Variants in ARMC9 observed in about 807,000 individuals in gnomAD.
ARMC9 encodes the protein lisH domain-containing protein ARMC9.
In ARMC9, 94 loss-of-function variants were observed where a neutral mutation model predicts 107.0. That is an observed-to-expected ratio of 0.88 (90% confidence interval 0.74 to 1.04). The LOEUF is 1.04. Ranked by LOEUF, ARMC9 falls within the 50% of genes least tolerant of loss-of-function variation. The probability of loss-of-function intolerance (pLI) is 0.00; values close to 1 mark genes in which losing one functional copy is unlikely to be tolerated. For missense variants in ARMC9, 942 were observed against 1,030.1 expected, an observed-to-expected ratio of 0.91 and a Z score of 1.17; for synonymous variants, 380 against 396.9, an observed-to-expected ratio of 0.96 and a Z score of 0.51.
intron 23 of ARMC9, 112 bp from the exon 24 acceptor site, chr2:231,369,841 G>T (rs780569162): frequency 4.2e-5 from 48 of 1,144,572 alleles, no homozygotes; most frequent in Non-Finnish European, 5.3e-5. Context: ...TGATTTGTCC[G>T]CCTTGGCCTC....
intron 9 of ARMC9, among the ~76,000 whole-genome samples, chr2:231,241,687 AG>A (rs1444682644): frequency 3.3e-5 from 5 of 152,234 alleles, no homozygotes; most frequent in African/African-American, 1.2e-4. Context: ...TTATAATATG[AG>A]AAAACATAAA....
At chr2:231,210,969 A>G (rs1415775875) in intron 3 of ARMC9, among the ~76,000 whole-genome samples, 2 of 152,300 alleles carry the variant, frequency 1.3e-5, no homozygotes, top group East Asian at 1.9e-4. Context: ...TGAATTGGCT[A>G]CTTTAGATAT....
chr2:231,337,184 C>G (rs1025054094), intron 20 of ARMC9, among the ~76,000 whole-genome samples: 1 of 150,646 alleles, frequency 6.6e-6, no homozygotes, highest in East Asian at 1.9e-4. Context: ...TTATTCCTGC[C>G]CTGTGTGACT....
intron 19 of ARMC9, among the ~76,000 whole-genome samples, chr2:231,330,229 CTTTTT>C (rs201716312): frequency 7.4e-6 from 1 of 134,838 alleles, no homozygotes. Context: ...CTTTTTCTTT[CTTTTT>C]TTTTTTTTTT....
intron 22 of ARMC9, among the ~76,000 whole-genome samples, chr2:231,357,216 C>G (rs890966028): frequency 6.6e-6 from 1 of 152,190 alleles, no homozygotes; most frequent in Non-Finnish European, 1.5e-5. Context: ...AGGGTGGGCA[C>G]CCACCAGGAC....
chr2:231,324,579 C>G (rs2043206889), intron 19 of ARMC9, among the ~76,000 whole-genome samples: 1 of 151,326 alleles, frequency 6.6e-6, no homozygotes, highest in African/African-American at 2.4e-5. Flanking sequence ...TGAAGAAACC[C>G]CGTCCCTACT....
intron 6 of ARMC9, among the ~76,000 whole-genome samples, chr2:231,223,774 C>T (rs2034376613): frequency 6.6e-6 from 1 of 152,156 alleles, no homozygotes; most frequent in Admixed American, 6.6e-5. Flanking sequence ...TGGCCTGAGC[C>T]GAACGGACTG....
chr2:231,232,025 CTTTT>C (rs575702443), intron 7 of ARMC9, among the ~76,000 whole-genome samples: 5 of 121,628 alleles, frequency 4.1e-5, no homozygotes, highest in African/African-American at 6.3e-5. Flanking sequence ...TAACACATTC[CTTTT>C]TTTTTTTTTT....
At chr2:231,265,996 T>TAAAAAAAA (rs541194304) in intron 12 of ARMC9, among the ~76,000 whole-genome samples, 1 of 125,374 alleles carries the variant, frequency 8.0e-6, no homozygotes. Flanking sequence ...AGACGCCATC[T>TAAAAAAAA]AAAAAAAAAA....
At chr2:231,322,924 G>A (rs528920610) in intron 19 of ARMC9, among the ~76,000 whole-genome samples, 12 of 152,086 alleles carry the variant, frequency 7.9e-5, no homozygotes, top group Non-Finnish European at 1.8e-4. Context: ...ATGTCGTTTC[G>A]TTTGGAATTC....
intron 14 of ARMC9, among the ~76,000 whole-genome samples, chr2:231,275,077 CT>C: frequency 6.6e-6 from 1 of 152,266 alleles, no homozygotes; most frequent in East Asian, 1.9e-4. Flanking sequence ...GCCTGTTTAT[CT>C]TTTCCTCTAA....
At chr2:231,345,379 G>T (rs762909573) in intron 21 of ARMC9, among the ~76,000 whole-genome samples, 7 of 152,228 alleles carry the variant, frequency 4.6e-5, no homozygotes, top group South Asian at 2.1e-4. Flanking sequence ...AAAGGAATCG[G>T]GCTCTCTCCA....
At chr2:231,273,212 T>A in intron 14 of ARMC9, 134 bp downstream of exon 14, 1 of 1,240,600 alleles carries the variant, frequency 8.1e-7, no homozygotes, top group Non-Finnish European at 1.1e-6. Context: ...AAGACAGAGC[T>A]AGAAAGCTTA....
At chr2:231,224,059 T>C (rs1023017238) in intron 6 of ARMC9, among the ~76,000 whole-genome samples, 3 of 152,192 alleles carry the variant, frequency 2.0e-5, no homozygotes, top group Non-Finnish European at 4.4e-5. Flanking sequence ...GTAGCTCAGC[T>C]TAATAATTAT....
intron 9 of ARMC9, among the ~76,000 whole-genome samples, chr2:231,247,023 T>G (rs985030107): frequency 5.3e-5 from 8 of 152,136 alleles, no homozygotes; most frequent in Admixed American, 2.0e-4. Flanking sequence ...TGGCACGGTC[T>G]TGGCTCACTG....
At chr2:231,274,735 T>G (rs1169170728) in intron 14 of ARMC9, among the ~76,000 whole-genome samples, 1 of 152,184 alleles carries the variant, frequency 6.6e-6, no homozygotes, top group Non-Finnish European at 1.5e-5. Flanking sequence ...TTTGACTGAC[T>G]CACAAATAAC....
At chr2:231,348,795 A>G (rs898271166) in intron 21 of ARMC9, among the ~76,000 whole-genome samples, 1 of 152,224 alleles carries the variant, frequency 6.6e-6, no homozygotes, top group African/African-American at 2.4e-5. Context: ...ACATTTCTCA[A>G]AAGAAGACAC....
At chr2:231,338,884 TG>T (rs139747317) in intron 20 of ARMC9, among the ~76,000 whole-genome samples, 4,608 of 152,242 alleles carry the variant, frequency 0.03, 232 homozygotes, top group African/African-American at 0.1. Context: ...TATATGAAGA[TG>T]TTTTTAATGT....
intron 22 of ARMC9, among the ~76,000 whole-genome samples, chr2:231,356,139 G>T (rs912431161): frequency 3.9e-5 from 6 of 152,206 alleles, no homozygotes; most frequent in Non-Finnish European, 8.8e-5. Context: ...CCTTCTCAGA[G>T]CACTGCCTGT....
Sources: gnomAD v4.1 joint callset for allele counts (sites outside exome capture counted in the v4.1 genomes callset) on GRCh38, gnomAD v4.1.1 for gene constraint, MANE v1.5 for transcripts, NCBI Gene and HGNC (gene_info 2026-07-23, HGNC 2026-07-21) for gene names.